The following CLCA1 variants were observed in gnomAD, a reference collection of about 807,000 sequenced individuals.
CLCA1 encodes the protein chloride channel accessory 1, also known as calcium-activated chloride channel regulator 1.
CLCA1 carries 59 observed loss-of-function variants against 85.6 expected under a neutral mutation model. The observed-to-expected ratio is 0.69, with a 90% confidence interval of 0.56 to 0.86. The LOEUF (loss-of-function observed/expected upper bound fraction) is 0.86. CLCA1 is among the 40% of genes least tolerant of loss of function. The probability of loss-of-function intolerance (pLI) is 0.00; values close to 1 mark genes in which losing one functional copy is unlikely to be tolerated. For missense variants in CLCA1, 1,022 were observed against 1,101.4 expected (o/e 0.93, Z 1.02); for synonymous variants, 396 against 398.3 (o/e 0.99, Z 0.07).
At position 86,473,504 on chromosome 1, in the gene CLCA1, A is replaced by G. The variant is rs1380636367; in HGVS notation, c.250A>G (p.Thr84Ala). Residue 84 changes from threonine (T) to alanine (A), a missense_variant, in exon 2 of 14, where the codon ACA (threonine) becomes GCA (alanine). By Grantham distance (58) the Thr-to-Ala change is moderately conservative. Coordinates refer to ENST00000394711, the MANE Select transcript of CLCA1 (RefSeq NM_001285.4). The part of the protein sequence containing the change: ...FKNVAILIPE[T>A]WKTKADYVRP... The stretch of plus-strand genomic sequence containing the variant: ...AAATGTTGCCATTTTGATTCCTGAA[A>G]CATGGAAGACAAAGGCTGACTATGT... The G allele has an allele frequency of 6.2e-7, 1 of 1,612,376 alleles. No individual in the cohort carries two copies. Among genetic ancestry groups the G allele is most frequent in the Admixed American group, 1.7e-5 (1 of 60,000 alleles).
chr1:86,483,289 G>T (rs1647869269), intron 5 of CLCA1, among the ~76,000 whole-genome samples: 1 of 152,078 alleles, frequency 6.6e-6, no homozygotes, highest in Non-Finnish European at 1.5e-5. Flanking sequence ...TCTGCCTGGG[G>T]TTTACACAAA....
Position 86,473,859 on chromosome 1 carries a change from C to A in CLCA1, c.434C>A (p.Ala145Asp), listed in dbSNP as rs761036911. 6.2e-7 allele frequency: 1 copy of A among 1,605,878 alleles called. No homozygotes were observed. The highest frequency in any genetic ancestry group is 1.1e-5 in the South Asian group (1 of 89,472). ...GATTTCATTGCAGGAAAAAAGTTAGCTGAATATGGACCACAAGGTATGAAA... is the reference window on the plus strand; with the variant it reads ...GATTTCATTGCAGGAAAAAAGTTAGATGAATATGGACCACAAGGTATGAAA... ...TPDFIAGKKL[A>D]EYGPQGRAFV... Residue 145 changes from alanine to aspartate, a missense_variant, in exon 3 of 14, where the codon GCT becomes GAT. Transcript: ENST00000394711.
rs540890597 is a variant in CLCA1 at position 86,491,213 on chromosome 1, G to A, written c.1358-52G>A. ...CTCTCTAAACAACAGCTAAAATGTT[G>A]CAAATAGTTGCTTTCTGGAAAATAA... On this transcript the variant is annotated intron_variant, in intron 8 of 13. Transcript: ENST00000394711. 144 of 1,321,358 alleles carry A rather than the reference G, an allele frequency of 1.1e-4. 2 individuals are homozygous for A. The South Asian group carries it at 1.7e-3, about 16-fold the overall frequency. 81.9% of individuals were successfully genotyped at this position (1,321,358 alleles called of 1,614,324 possible).
intron 8 of CLCA1, among the ~76,000 whole-genome samples, chr1:86,490,315 A>T (rs2791506): frequency 1.3e-5 from 2 of 151,994 alleles, no homozygotes; most frequent in Admixed American, 1.3e-4. Context: ...GTGGGGCATC[A>T]ACAGCCTTAC....
rs1648189577 is a variant in CLCA1, at chr1:86,493,433, C to G, written c.1514C>G (p.Thr505Arg). 1 of 1,614,052 alleles carries G rather than the reference C, an allele frequency of 6.2e-7. No homozygotes were observed. Among genetic ancestry groups the G allele is most frequent in the Non-Finnish European group, 8.5e-7 (1 of 1,179,956 alleles). The change falls in exon 10 of 14, where the codon ACA becomes AGA. Residue 505 changes from threonine to arginine, a missense_variant. Thr to Arg is a moderately conservative substitution (Grantham distance 71). Transcript: ENST00000394711. ...CAGAACAGCCAGTGGATGAATGGCA[C>G]AGTGATCGTGGACAGCACCGTGGGA... ...TLQNSQWMNG[T>R]VIVDSTVGKD... is the part of the protein sequence containing the mutation.
chr1:86,475,641 C>A (rs1050967622), intron 3 of CLCA1, among the ~76,000 whole-genome samples: 3 of 152,046 alleles, frequency 2.0e-5, no homozygotes, highest in African/African-American at 7.2e-5. Flanking sequence ...CACATAGAAG[C>A]TTGATTTTCA....
intron 5 of CLCA1, 152 bp downstream of exon 5, chr1:86,482,534 A>G (rs1647847605): frequency 2.8e-6 from 2 of 708,564 alleles, no homozygotes; most frequent in Non-Finnish European, 4.6e-6. Context: ...AGTCAAGGAT[A>G]AAGTCCTGTC....
intron 5 of CLCA1, among the ~76,000 whole-genome samples, chr1:86,484,890 C>T (rs760173921): frequency 6.6e-6 from 1 of 151,900 alleles, no homozygotes; most frequent in African/African-American, 2.4e-5. Flanking sequence ...GAGTTTGAGG[C>T]GCATGTGAGA....
chr1:86,479,788 G>T (rs371289484), intron 4 of CLCA1, among the ~76,000 whole-genome samples: 25 of 152,254 alleles, frequency 1.6e-4, no homozygotes, highest in African/African-American at 5.8e-4. Context: ...GGGAGGCTGA[G>T]GCAGGAGAAT....
At chr1:86,476,372 C>T (rs1647634796) in intron 3 of CLCA1, 76 bp from the exon 4 acceptor site, 2 of 713,548 alleles carry the variant, frequency 2.8e-6, no homozygotes, top group Non-Finnish European at 2.5e-6. Context: ...ATATTCCAAA[C>T]ATTGCTTTCT....
rs533816900 is a variant in CLCA1 at position 86,484,937 on chromosome 1, G to C, written c.736-406G>C. Among the ~76,000 whole-genome samples, 9 of 152,278 alleles carry C rather than the reference G, an allele frequency of 5.9e-5. No individual in the cohort carries two copies. In the South Asian group the frequency reaches 1.9e-3, roughly 32 times the overall value. On this transcript the variant is annotated intron_variant, in intron 5 of 13. Coordinates refer to ENST00000394711, the MANE Select transcript of CLCA1 (RefSeq NM_001285.4). Reference sequence around the variant, plus strand: ...ATTTTGGAGAGAGCTGGAACATTGGGAGTTGAAGGTTAGAATATAGTGTGT... The same window carrying C: ...ATTTTGGAGAGAGCTGGAACATTGGCAGTTGAAGGTTAGAATATAGTGTGT...
At position 86,491,315 on chromosome 1, in the gene CLCA1, G is replaced by C; in HGVS notation, c.1408G>C (p.Asp470His). The change falls in exon 9 of 14, where the codon GAT (aspartate) becomes CAT (histidine). Residue 470 changes from aspartate to histidine, a missense_variant. By Grantham distance (81) the Asp-to-His change is moderately conservative (BLOSUM62 -1). Transcript: ENST00000394711. The part of the protein sequence containing the change: ...SDQVQNNGLI[D>H]AFGALSSGNG... ...TCAAGTTCAGAACAATGGCCTCATT[G>C]ATGCTTTTGGGGCCCTTTCATCAGG... 1 of 1,613,752 alleles carries C rather than the reference G, an allele frequency of 6.2e-7. No homozygotes were observed. The highest frequency in any genetic ancestry group is 8.5e-7 in the Non-Finnish European group (1 of 1,179,740).
chr1:86,473,290 T>C (rs1647550782), intron 1 of CLCA1, 127 bp from the exon 2 acceptor site: 2 of 621,144 alleles, frequency 3.2e-6, no homozygotes, highest in East Asian at 5.5e-5. Flanking sequence ...GGTATTTCTA[T>C]ATTTCTTCTT....
At chr1:86,477,463 A>G (rs1282675125) in intron 4 of CLCA1, among the ~76,000 whole-genome samples, 1 of 152,234 alleles carries the variant, frequency 6.6e-6, no homozygotes, top group Non-Finnish European at 1.5e-5. Flanking sequence ...TTATGGGCTA[A>G]TTCTTGCAGC....
rs1308203958 is a variant in CLCA1 at position 86,473,547 on chromosome 1, C to A, written c.293C>A (p.Thr98Asn). The A allele has an allele frequency of 8.8e-6, 14 of 1,588,386 alleles. No homozygotes were observed. The highest frequency in any genetic ancestry group is 1.8e-5 in the Admixed American group (1 of 56,014). Residue 98 changes from threonine to asparagine, a missense_variant, in exon 2 of 14, where the codon ACC becomes AAC. Coordinates refer to ENST00000394711, the MANE Select transcript of CLCA1 (RefSeq NM_001285.4). ...KADYVRPKLE[T>N]YKNADVLVAE... ...GACTATGTGAGACCAAAACTTGAGA[C>A]CTACAAAAATGTGAGAATATCAAGT...
chr1:86,473,233 C>T (rs188213581), intron 1 of CLCA1, among the ~76,000 whole-genome samples, 184 bp from the exon 2 acceptor site: 24 of 152,300 alleles, frequency 1.6e-4, no homozygotes, highest in Non-Finnish European at 3.2e-4. Flanking sequence ...CTCGGTGACA[C>T]AGAATATTTG....
At chr1:86,479,509 C>T (rs1386723217) in intron 4 of CLCA1, among the ~76,000 whole-genome samples, 3 of 152,030 alleles carry the variant, frequency 2.0e-5, no homozygotes, top group Non-Finnish European at 4.4e-5. Context: ...TAGATAGTAG[C>T]TAAGATCATT....
intron 8 of CLCA1, among the ~76,000 whole-genome samples, chr1:86,491,044 C>T (rs2753340): frequency 0.41 from 62,631 of 151,894 alleles, 13,575 homozygotes; most frequent in Non-Finnish European, 0.48. Context: ...CACTGTACTC[C>T]ACCCTGGGCA....
chr1:86,496,853 C>A (rs570587269), intron 12 of CLCA1, among the ~76,000 whole-genome samples: 63 of 152,308 alleles, frequency 4.1e-4, no homozygotes, highest in African/African-American at 1.3e-3. Context: ...CCTCAGCCTC[C>A]CGAGTAGCTG....
Sources: gnomAD v4.1 joint callset for allele counts (sites outside exome capture counted in the v4.1 genomes callset) on GRCh38, gnomAD v4.1.1 for gene constraint, MANE v1.5 for transcripts, NCBI Gene and HGNC (gene_info 2026-07-23, HGNC 2026-07-21) for gene names.